The following ACP7 variants were observed in gnomAD, a reference collection of about 807,000 sequenced individuals.
The protein encoded by ACP7 is acid phosphatase type 7.
Under a neutral mutation model 60.6 loss-of-function variants are expected in ACP7, and 58 were observed. The observed-to-expected ratio is 0.96, with a 90% CI of 0.77 to 1.19. The LOEUF (loss-of-function observed/expected upper bound fraction) is 1.19, where lower values mean the gene tolerates loss of function less well. Among genes scored for constraint, ACP7 ranks in the 50% most tolerant of loss-of-function variants. The pLI, the probability that ACP7 is intolerant of heterozygous loss-of-function variation, is 0.00. For synonymous variants in ACP7, 237 were observed against 232.6 expected (o/e 1.02, Z -0.17); for missense variants, 574 against 596.2 (o/e 0.96, Z 0.39).
chr19:39,104,930 A>G (rs1600272224), intron 11 of ACP7, among the ~76,000 whole-genome samples: 1 of 152,210 alleles, frequency 6.6e-6, no homozygotes, highest in East Asian at 1.9e-4. Flanking sequence ...TCAGACCAAC[A>G]GAAAAGTTGC....
chr19:39,105,130 C>T (rs943078345), intron 11 of ACP7, among the ~76,000 whole-genome samples: 2 of 151,800 alleles, frequency 1.3e-5, no homozygotes, highest in African/African-American at 2.4e-5. Context: ...ATTCTCCCAC[C>T]TCAGCCTCCT....
chr19:39,100,702 G>A, intron 6 of ACP7, 37 bp from the exon 7 acceptor site: 2 of 1,612,208 alleles, frequency 1.2e-6, no homozygotes, highest in Non-Finnish European at 8.5e-7. Context: ...ATGCAGGGGA[G>A]CCCTGGTCCC....
intron 2 of ACP7, among the ~76,000 whole-genome samples, chr19:39,090,886 GCTCC>G (rs1388849659): frequency 2.7e-5 from 4 of 147,580 alleles, no homozygotes; most frequent in Non-Finnish European, 5.9e-5. Context: ...GTCCCTCCCT[GCTCC>G]CTTTATTACT....
chr19:39,091,257 G>A (rs1441963736), intron 2 of ACP7, among the ~76,000 whole-genome samples: 2 of 151,718 alleles, frequency 1.3e-5, no homozygotes, highest in African/African-American at 4.8e-5. Context: ...CCGCCTCCTG[G>A]GTTCAAGCGA....
chr19:39,100,195 G>C, intron 4 of ACP7, 32 bp from the exon 5 acceptor site: 1 of 1,607,558 alleles, frequency 6.2e-7, no homozygotes. Flanking sequence ...GCTGGGCCTG[G>C]GTCCTCACCC....
At chr19:39,102,736 T>TTTCTTTCTTTCG in intron 11 of ACP7, among the ~76,000 whole-genome samples, 1 of 81,132 alleles carries the variant, frequency 1.2e-5, no homozygotes, top group East Asian at 4.2e-4. Flanking sequence ...TCTTTCTTTC[T>TTTCTTTCTTTCG]TTCTTTCTTT....
intron 4 of ACP7, 22 bp from the exon 5 acceptor site, chr19:39,100,205 C>T (rs769871081): frequency 1.2e-6 from 2 of 1,604,428 alleles, no homozygotes; most frequent in Non-Finnish European, 1.7e-6. Flanking sequence ...GGTCCTCACC[C>T]TCCTTCCGCC....
At position 39,093,102 on chromosome 19, in the gene ACP7, T is replaced by C. The variant is rs9749390; in HGVS notation, c.122-5356T>C. Among the ~76,000 whole-genome samples, 127 of 79,756 alleles carry C rather than the reference T, an allele frequency of 1.6e-3. 2 individuals carry two copies. Among genetic ancestry groups the C allele is most frequent in the African/African-American group, 6.3e-3 (112 of 17,802 alleles). 52.3% of individuals were successfully genotyped at this position (79,756 alleles called of 152,430 possible). ...CCCCGTTTCTTTCTTTTCTTTCTTTTTTTCTTTTTCTTTCTTTCTTTCTTT... is the reference window on the plus strand; with the variant it reads ...CCCCGTTTCTTTCTTTTCTTTCTTTCTTTCTTTTTCTTTCTTTCTTTCTTT... On this transcript the variant is annotated intron_variant, in intron 2 of 12. Coordinates refer to ENST00000331256, the MANE Select transcript of ACP7 (RefSeq NM_001004318.3).
At chr19:39,101,426 C>G in intron 10 of ACP7, 40 bp from the exon 11 acceptor site, 1 of 1,613,486 alleles carries the variant, frequency 6.2e-7, no homozygotes, top group Non-Finnish European at 8.5e-7. Context: ...GGCATGGCCT[C>G]GAGTGACTGC....
chr19:39,099,112 C>A lies in ACP7; in HGVS notation c.475C>A (p.Gln159Lys). The change falls in exon 4 of 13, where the codon CAG becomes AAG. Residue 159 changes from glutamine to lysine, a missense_variant. Coordinates refer to ENST00000331256, the MANE Select transcript of ACP7 (RefSeq NM_001004318.3). ...AVPRLRRDTQ[Q>K]GMYDAVLHVG... The stretch of plus-strand genomic sequence containing the variant: ...CCCCCGGCTGCGCAGGGACACCCAG[C>A]AGGGCATGTATGACGCCGTTCTCCA... 6.3e-7 allele frequency: 1 copy of A among 1,588,224 alleles called. No individual in the cohort carries two copies. Among genetic ancestry groups the A allele is most frequent in the Non-Finnish European group, 8.6e-7 (1 of 1,169,396 alleles).
intron 11 of ACP7, 126 bp from the exon 12 acceptor site, chr19:39,106,821 G>A: frequency 8.4e-7 from 1 of 1,192,356 alleles, no homozygotes; most frequent in East Asian, 2.5e-5. Context: ...ACTGCGCCCG[G>A]CCTCTATGGT....
intron 11 of ACP7, among the ~76,000 whole-genome samples, chr19:39,102,741 T>TTCTC (rs1329254119): frequency 1.2e-5 from 1 of 82,952 alleles, no homozygotes; most frequent in African/African-American, 4.4e-5. Context: ...CTTTCTTTCT[T>TTCTC]TCTTTCTTTC....
In ACP7 at chr19:39,110,348, C is replaced by A; in HGVS notation, c.*230C>A. On this transcript the variant is annotated 3_prime_UTR_variant, in exon 13 of 13. Transcript: ENST00000331256. ...GGGCAGGTGTGCGGGCACAGAGTGA[C>A]ACACGGCAGGTTTCTGCTGGCAGGG... The A allele has an allele frequency of 1.8e-6, 1 of 555,582 alleles. No homozygotes were observed. The highest frequency in any genetic ancestry group is 3.2e-6 in the Non-Finnish European group (1 of 313,036). The allele number at this position is 555,582 out of a possible 1,614,324, so 34.4% of individuals were successfully genotyped here.
chr19:39,110,826 T>G lies in ACP7; in HGVS notation c.*708T>G, dbSNP rs1163844390. The G allele has an allele frequency of 6.6e-6, 1 of 152,200 alleles. No homozygotes were observed. Among genetic ancestry groups the G allele is most frequent in the African/African-American group, 2.4e-5 (1 of 41,442 alleles). The allele number at this position is 152,200 out of a possible 1,614,324, so 9.4% of individuals were successfully genotyped here. A position where few individuals can be genotyped will look rare whatever the true frequency, so the allele number is the denominator to read the frequency against. ...CTTCTTTTATTTATTGAATCATAAT[T>G]TATTGAGCATCTACCATGTGCCAGG... On this transcript the variant is annotated 3_prime_UTR_variant, in exon 13 of 13. Transcript: ENST00000331256.
chr19:39,093,156 C>CTTTTTCTTTCTTTT (rs2073225527), intron 2 of ACP7, among the ~76,000 whole-genome samples: 14 of 50,930 alleles, frequency 2.7e-4, no homozygotes, highest in African/African-American at 1.2e-3. Flanking sequence ...TTCTTTCTTT[C>CTTTTTCTTTCTTTT]TCTTTCTTTC....
At chr19:39,100,427 G>C in intron 5 of ACP7, 77 bp downstream of exon 5, 2 of 1,603,924 alleles carry the variant, frequency 1.2e-6, no homozygotes, top group Non-Finnish European at 1.7e-6. Flanking sequence ...TGTCTCCCTT[G>C]AGTCTCTCAT....
At position 39,110,130 on chromosome 19, in the gene ACP7, G is replaced by A. The variant is rs1600278070; in HGVS notation, c.*12G>A. 6.2e-7 allele frequency: 1 copy of A among 1,610,940 alleles called. No homozygotes were observed. Among genetic ancestry groups the A allele is most frequent in the Non-Finnish European group, 8.5e-7 (1 of 1,177,162 alleles). ...GGATGTACCTCTAGGGATGGCGGCA[G>A]CTCTCCTCCAGAAGCCTAGGTTTTG... On this transcript the variant is annotated 3_prime_UTR_variant, in exon 13 of 13. Transcript: ENST00000331256.
chr19:39,099,405 A>G (rs1229757222), intron 4 of ACP7, among the ~76,000 whole-genome samples: 1 of 152,206 alleles, frequency 6.6e-6, no homozygotes, highest in Non-Finnish European at 1.5e-5. Flanking sequence ...TATTTTGATT[A>G]GAGAGAAAGC....
intron 5 of ACP7, 25 bp downstream of exon 5, chr19:39,100,375 G>A (rs1464066968): frequency 6.2e-7 from 1 of 1,612,682 alleles, no homozygotes; most frequent in Non-Finnish European, 8.5e-7. Flanking sequence ...TGGTGGCGGT[G>A]GGCGAGGGCT....
Sources: allele counts gnomAD v4.1 joint callset (sites outside exome capture counted in the v4.1 genomes callset), GRCh38; gene constraint gnomAD v4.1.1; transcripts MANE v1.5; gene names NCBI Gene and HGNC (gene_info 2026-07-23, HGNC 2026-07-21).